The following PCNX3 variants were observed in gnomAD, a reference collection of about 807,000 sequenced individuals.
PCNX3 encodes pecanex 3, also known as pecanex-like protein 3.
A neutral mutation model predicts 207.2 loss-of-function variants in PCNX3; 58 were observed. The ratio of observed to expected loss-of-function variants is 0.28; its 90% CI spans 0.23 to 0.35. The LOEUF is 0.35. Among genes scored for constraint, PCNX3 ranks in the 10% least tolerant of loss-of-function variants. PCNX3 has a pLI of 1.00. For synonymous variants in PCNX3, 1,337 were observed against 1,183.5 expected (o/e 1.13, Z -2.66); for missense variants, 2,410 against 2,774.4 (o/e 0.87, Z 2.95).
At chr11:65,624,814 G>C in intron 15 of PCNX3, 111 bp from the exon 16 acceptor site, 2 of 1,140,866 alleles carry the variant, frequency 1.8e-6, no homozygotes, top group Non-Finnish European at 2.5e-6. Flanking sequence ...CAATGGGCTG[G>C]GGGTGCCTTT....
Position 65,625,389 on chromosome 11 carries a change from T to C in PCNX3, c.3030-16T>C, listed in dbSNP as rs749532768. On this transcript the variant is annotated splice_polypyrimidine_tract_variant and intron_variant, in intron 17 of 34. Coordinates refer to ENST00000355703, the MANE Select transcript of PCNX3 (RefSeq NM_032223.4). The surrounding 1 kb of genome is among the most constrained non-coding windows in gnomAD (Gnocchi z 5.6). The stretch of plus-strand genomic sequence containing the variant: ...GAAGGAGGGGCGGCCTCCTCCTGAC[T>C]CTTCCTCACCCCCAGGTCTCTGATC... 6.2e-6 allele frequency: 10 copies of C among 1,600,730 alleles called. No homozygotes were observed. The highest frequency in any genetic ancestry group is 8.5e-6 in the Non-Finnish European group (10 of 1,177,112).
intron 27 of PCNX3, 169 bp from the exon 28 acceptor site, chr11:65,633,957 G>T: frequency 9.2e-6 from 6 of 649,340 alleles, no homozygotes; most frequent in Non-Finnish European, 1.6e-5. Context: ...TCTAGGGGAA[G>T]GAGCCAACTT....
At chr11:65,626,379 G>C in intron 20 of PCNX3, 2 of 536,400 alleles carry the variant, frequency 3.7e-6, no homozygotes, top group Non-Finnish European at 7.1e-6. Flanking sequence ...ATCACCAGTG[G>C]ACCAGAGCTG....
In PCNX3 at chr11:65,636,505, C is replaced by A; in HGVS notation, c.5708C>A (p.Pro1903His). 1 of 1,581,562 alleles carries A rather than the reference C, an allele frequency of 6.3e-7. No homozygotes were observed. Among genetic ancestry groups the A allele is most frequent in the Non-Finnish European group, 8.6e-7 (1 of 1,165,638 alleles). The change falls in exon 34 of 35, where the codon CCT becomes CAT. Residue 1903 changes from proline to histidine, a missense_variant. Coordinates refer to ENST00000355703, the MANE Select transcript of PCNX3 (RefSeq NM_032223.4). ...PLLQWPPPRL[P>H]GPPPASPIPT... ...CTGCAGTGGCCTCCCCCTCGGCTCC[C>A]TGGACCACCCCCTGCATCGCCTATC...
intron 6 of PCNX3, 116 bp from the exon 7 acceptor site, chr11:65,619,421 C>T: frequency 6.8e-7 from 1 of 1,472,372 alleles, no homozygotes; most frequent in African/African-American, 1.4e-5. Flanking sequence ...GGCCTCAGAG[C>T]CGGGGCGTGG....
chr11:65,624,398 G>A (rs1264942073), intron 14 of PCNX3, 32 bp downstream of exon 14: 5 of 1,551,816 alleles, frequency 3.2e-6, no homozygotes, highest in Non-Finnish European at 4.4e-6. Flanking sequence ...GGTGGCCCAG[G>A]AGAGTGAGTC....
chr11:65,618,582 C>T lies in PCNX3; in HGVS notation c.1220C>T (p.Ala407Val), dbSNP rs1354540264. ...CGAAGACACTCTCCACCTGGCCGTG[C>T]CCCTCGACGGCCCCTGCTTGAAGGT... ...PLRRHSPPGR[A>V]PRRPLLEGGG... is the part of the protein sequence containing the mutation. Residue 407 changes from alanine (A) to valine (V), a missense_variant, in exon 6 of 35, where the codon GCC becomes GTC. Physicochemically the swap from Ala to Val is moderately conservative, Grantham distance 64. Coordinates refer to ENST00000355703, the MANE Select transcript of PCNX3 (RefSeq NM_032223.4). The T allele has an allele frequency of 3.1e-6, 5 of 1,611,774 alleles. No homozygotes were observed. Among genetic ancestry groups the T allele is most frequent in the African/African-American group, 1.3e-5 (1 of 74,924 alleles).
Position 65,636,553 on chromosome 11 carries a change from C to T in PCNX3, c.5756C>T (p.Ser1919Leu). ...ATCCCCACAGAGGGTCCCCGGACCT[C>T]ACGGCCCCCTGGCCCGGGTCTCCTC... ...SPIPTEGPRTSRPPGPGLLSS... is the reference protein window; with the variant it reads ...SPIPTEGPRTLRPPGPGLLSS... Residue 1919 changes from serine to leucine, a missense_variant, in exon 34 of 35, where the codon TCA (serine) becomes TTA (leucine). Physicochemically the swap from Ser to Leu is moderately radical, Grantham distance 145. Transcript: ENST00000355703. 1 of 1,595,122 alleles carries T rather than the reference C, an allele frequency of 6.3e-7. No homozygotes were observed. The highest frequency in any genetic ancestry group is 8.5e-7 in the Non-Finnish European group (1 of 1,172,656).
chr11:65,618,966 C>T lies in PCNX3; in HGVS notation c.1604C>T (p.Ala535Val). Residue 535 changes from alanine to valine, a missense_variant, in exon 6 of 35, where the codon GCT becomes GTT. Coordinates refer to ENST00000355703, the MANE Select transcript of PCNX3 (RefSeq NM_032223.4). ...GCCCAGGTTGGGGTGGAGCAGGCTG[C>T]TAGTGAGCCTGTTGTGCTGCCTGCT... ...LEAQVGVEQA[A>V]SEPVVLPAEA... 3 of 1,603,650 alleles carry T rather than the reference C, an allele frequency of 1.9e-6. No individual in the cohort carries two copies. The highest frequency in any genetic ancestry group is 2.5e-6 in the Non-Finnish European group (3 of 1,177,804).
Position 65,637,167 on chromosome 11 carries a change from C to T in PCNX3, c.*189C>T. ...CCTTGACCCCTGATCTCTCTCATCC[C>T]CAGTCCAGGGCCTGGGCTCCCCAGA... On this transcript the variant is annotated 3_prime_UTR_variant, in exon 35 of 35. Transcript: ENST00000355703. 4.6e-6 allele frequency: 3 copies of T among 657,146 alleles called. No individual in the cohort carries two copies. In the South Asian group the frequency reaches 5.8e-5, roughly 13 times the overall value. 40.7% of individuals were successfully genotyped at this position (657,146 alleles called of 1,614,324 possible).
chr11:65,625,211 T>C lies in PCNX3; in HGVS notation c.2960T>C (p.Val987Ala). Residue 987 changes from valine to alanine, a missense_variant, in exon 17 of 35, where the codon GTC becomes GCC. Transcript: ENST00000355703. This position sits in a 1 kb window ranked among gnomAD's most constrained non-coding sequence, Gnocchi z 5.6. ...CAGCACGTCCCTGTCCTCTTCTCAG[T>C]CTTCTGTGGCCTCCTGGTGGCACTG... ...PEQHVPVLFS[V>A]FCGLLVALSY... 6.2e-7 allele frequency: 1 copy of C among 1,610,884 alleles called. No individual in the cohort carries two copies.
Position 65,624,937 on chromosome 11 carries a change from C to G in PCNX3, c.2840C>G (p.Pro947Arg). ...CCCTTCCACACAGCTGCCACCAGCC[C>G]GCTCACGGCAGTCTTCAGCCTCTCC... Reference protein sequence around the residue: ...HGFGGTAATSPLTAVFSLSRS... With the variant: ...HGFGGTAATSRLTAVFSLSRS... The change falls in exon 16 of 35, where the codon CCG becomes CGG. Residue 947 changes from proline (P) to arginine (R), a missense_variant. Coordinates refer to ENST00000355703, the MANE Select transcript of PCNX3 (RefSeq NM_032223.4). 1 of 1,610,138 alleles carries G rather than the reference C, an allele frequency of 6.2e-7. No homozygotes were observed. Among genetic ancestry groups the G allele is most frequent in the Non-Finnish European group, 8.5e-7 (1 of 1,178,978 alleles).
chr11:65,617,863 C>G, intron 5 of PCNX3, 77 bp from the exon 6 acceptor site: 1 of 1,471,046 alleles, frequency 6.8e-7, no homozygotes, highest in Non-Finnish European at 9.1e-7. Context: ...AAGTACAGGG[C>G]ATAAGACCTC....
rs1169622284 is a variant in PCNX3 at position 65,635,719 on chromosome 11, G to A, written c.5375G>A (p.Gly1792Asp). 6.2e-7 allele frequency: 1 copy of A among 1,608,188 alleles called. No individual in the cohort carries two copies. Among genetic ancestry groups the A allele is most frequent in the Non-Finnish European group, 8.5e-7 (1 of 1,177,804 alleles). ...TCGCCTCTCACCACCTCGCTGGCTG[G>A]CAGCCACCCCCAGCTACGGGCACTG... ...YVSPLTTSLA[G>D]SHPQLRALWG... is the part of the protein sequence containing the mutation. Residue 1792 changes from glycine to aspartate, a missense_variant, in exon 32 of 35, where the codon GGC becomes GAC. This residue lies in a region of PCNX3 where 59 missense variants were observed against 83.9 expected (regional missense o/e 0.70). Coordinates refer to ENST00000355703, the MANE Select transcript of PCNX3 (RefSeq NM_032223.4). This position sits in a 1 kb window ranked among gnomAD's most constrained non-coding sequence, Gnocchi z 9.9.
chr11:65,627,522 C>T lies in PCNX3; in HGVS notation c.3642C>T (p.Tyr1214=). ...AFTVLLFHFD[Y]PRLSQGFLLD... ...CCGTCCTGCTCTTCCACTTTGACTA[C>T]CCGCGCCTCTCCCAGGGCTTTCTGC... is the stretch of plus-strand genomic sequence containing the variant. The change falls in exon 22 of 35, where the codon TAC becomes TAT. Residue 1214 remains tyrosine (Y), a synonymous_variant. Coordinates refer to ENST00000355703, the MANE Select transcript of PCNX3 (RefSeq NM_032223.4). The T allele has an allele frequency of 1.9e-6, 3 of 1,613,848 alleles. No homozygotes were observed. Among genetic ancestry groups the T allele is most frequent in the Non-Finnish European group, 2.5e-6 (3 of 1,179,872 alleles).
intron 27 of PCNX3, among the ~76,000 whole-genome samples, chr11:65,631,073 T>C (rs1358912771): frequency 5.3e-5 from 8 of 152,178 alleles, no homozygotes; most frequent in African/African-American, 1.9e-4. Flanking sequence ...ATCTCACAGA[T>C]GTGGAAGTTG....
chr11:65,620,584 T>C (rs550631744), intron 9 of PCNX3, among the ~76,000 whole-genome samples, 155 bp downstream of exon 9: 1 of 152,220 alleles, frequency 6.6e-6, no homozygotes, highest in East Asian at 1.9e-4. Context: ...AGGACAGACC[T>C]CCTGGGGTCC....
rs770051412 is a variant in PCNX3, at chr11:65,636,276, C to T, written c.5562C>T (p.Pro1854=). Residue 1854 remains proline, a synonymous_variant, in exon 33 of 35, where the codon CCC becomes CCT. Coordinates refer to ENST00000355703, the MANE Select transcript of PCNX3 (RefSeq NM_032223.4). ...GGLTSLSNNP[P]VAHPTPENTA... is the part of the protein sequence containing the mutation. Reference sequence around the variant, plus strand: ...TGACCTCCCTCAGCAATAACCCCCCCGTGGCACACCCCACACCTGAGAACA... The same window carrying T: ...TGACCTCCCTCAGCAATAACCCCCCTGTGGCACACCCCACACCTGAGAACA... 221 of 1,603,654 alleles carry T rather than the reference C, an allele frequency of 1.4e-4. No individual in the cohort carries two copies. The highest frequency in any genetic ancestry group is 8.4e-4 in the East Asian group (37 of 44,292).
intron 9 of PCNX3, 35 bp from the exon 10 acceptor site, chr11:65,620,796 C>A (rs566965053): frequency 8.8e-6 from 14 of 1,585,428 alleles, no homozygotes; most frequent in Non-Finnish European, 1.2e-5. Flanking sequence ...CAGGGCTCGC[C>A]CGTGGGGGGA....
Sources: gnomAD v4.1 joint callset for allele counts (sites outside exome capture counted in the v4.1 genomes callset) on GRCh38, gnomAD v4.1.1 for gene constraint, gnomAD v4.1.1 regional missense constraint, Gnocchi (gnomAD v3.1) non-coding constraint, MANE v1.5 for transcripts, NCBI Gene and HGNC (gene_info 2026-07-23, HGNC 2026-07-21) for gene names.